TAFA4: variants seen among roughly 807,000 people sequenced by gnomAD.
TAFA4 encodes chemokine-like protein TAFA-4.
TAFA4 carries 20 observed loss-of-function variants against 21.1 expected under a neutral mutation model. The observed-to-expected ratio is 0.95, with a 90% CI of 0.67 to 1.38. The LOEUF is 1.38. Among genes scored for constraint, TAFA4 ranks in the 40% most tolerant of loss-of-function variants. The pLI is 0.00. For missense variants in TAFA4, 211 were observed against 180.9 expected (o/e 1.17, Z -0.95); for synonymous variants, 71 against 67.4 (o/e 1.05, Z -0.26).
In TAFA4 at chr3:68,750,730, T is replaced by G. The variant is rs576856291; in HGVS notation, c.286+2133A>C. On this transcript the variant is annotated intron_variant, in intron 4 of 5. Coordinates refer to ENST00000295569, the MANE Select transcript of TAFA4 (RefSeq NM_182522.5). ...AGTACTTTTTAGGTACCAATAAAAG[T>G]GCTTTGAATATTGTACAACATTATT... Among the ~76,000 whole-genome samples the G allele has an allele frequency of 7.6e-4, 116 of 152,330 alleles. 3 individuals are homozygous for G. In the South Asian group the frequency reaches 0.023, roughly 30 times the overall value.
intron 3 of TAFA4, among the ~76,000 whole-genome samples, chr3:68,753,439 G>A (rs1342261856): frequency 2.0e-5 from 3 of 148,408 alleles, no homozygotes; most frequent in Admixed American, 6.8e-5. Flanking sequence ...GGATTCAAGC[G>A]ATTTTCCTGC....
intron 3 of TAFA4, among the ~76,000 whole-genome samples, chr3:68,857,283 A>G (rs1470974731): frequency 6.6e-6 from 1 of 152,156 alleles, no homozygotes; most frequent in Non-Finnish European, 1.5e-5. Flanking sequence ...TGTCTAAAGG[A>G]CAATAGTTCC....
chr3:68,772,853 AATCC>A (rs923138200), intron 3 of TAFA4, among the ~76,000 whole-genome samples: 4 of 152,140 alleles, frequency 2.6e-5, no homozygotes, highest in Non-Finnish European at 5.9e-5. Context: ...TCCATCCGTC[AATCC>A]ATCCATCCAT....
In TAFA4 at chr3:68,783,745, G is replaced by GAAAGAAAGAAAGAAAGAAAGAAAA. The variant is rs1355228496; in HGVS notation, c.131-30728_131-30727insTTTTCTTTCTTTCTTTCTTTCTTT. ...AGAAAGAAAGAAAGAAAGAAAGAAA[G>GAAAGAAAGAAAGAAAGAAAGAAAA]TAAGAAAGAAAGAAACAAAAACAAA... On this transcript the variant is annotated intron_variant, in intron 3 of 5. Transcript: ENST00000295569. Among the ~76,000 whole-genome samples the GAAAGAAAGAAAGAAAGAAAGAAAA allele has an allele frequency of 4.8e-3, 460 of 95,856 alleles. 10 individuals are homozygous for GAAAGAAAGAAAGAAAGAAAGAAAA. Among genetic ancestry groups the GAAAGAAAGAAAGAAAGAAAGAAAA allele is most frequent in the African/African-American group, 0.014 (438 of 31,820 alleles). 62.9% of individuals were successfully genotyped at this position (95,856 alleles called of 152,430 possible).
intron 1 of TAFA4, among the ~76,000 whole-genome samples, chr3:68,893,589 G>T (rs1559555808): frequency 6.6e-6 from 1 of 152,172 alleles, no homozygotes; most frequent in African/African-American, 2.4e-5. Context: ...CCTTCCAGCT[G>T]TAACAATAAC....
rs538907000 is a variant in TAFA4, at chr3:68,734,334, G to A, written c.412-1181C>T. 3.3e-5 allele frequency among the ~76,000 whole-genome samples: 5 copies of A among 152,234 alleles called. No individual in the cohort carries two copies. The South Asian group carries it at 1.0e-3, about 32-fold the overall frequency. On this transcript the variant is annotated intron_variant, in intron 5 of 5. Coordinates refer to ENST00000295569, the MANE Select transcript of TAFA4 (RefSeq NM_182522.5). ...CAGTTTGCTGATCCCTATTCCAGAG[G>A]AAGAGGTTGGATAAACAGGTAAAAT... is the stretch of plus-strand genomic sequence containing the variant.
chr3:68,888,665 G>T (rs978402029), intron 1 of TAFA4, among the ~76,000 whole-genome samples: 5 of 151,992 alleles, frequency 3.3e-5, no homozygotes, highest in Non-Finnish European at 7.4e-5. Flanking sequence ...CTAATATCAA[G>T]GTGCCAGCAT....
intron 1 of TAFA4, among the ~76,000 whole-genome samples, chr3:68,917,472 C>T (rs1435130033): frequency 2.6e-5 from 4 of 151,936 alleles, no homozygotes; most frequent in Non-Finnish European, 5.9e-5. Context: ...TTCCCAGGAA[C>T]GACCGGGCAT....
intron 3 of TAFA4, among the ~76,000 whole-genome samples, chr3:68,841,337 T>G (rs71302158): frequency 1.4e-5 from 2 of 138,676 alleles, no homozygotes; most frequent in South Asian, 2.3e-4. Context: ...AAAAAAAAAA[T>G]AAAAAAAAAT....
At chr3:68,792,794 A>G (rs1025846028) in intron 3 of TAFA4, among the ~76,000 whole-genome samples, 1 of 152,218 alleles carries the variant, frequency 6.6e-6, no homozygotes, top group Non-Finnish European at 1.5e-5. Context: ...CCACTTATGA[A>G]CAAAATACAT....
intron 1 of TAFA4, among the ~76,000 whole-genome samples, chr3:68,899,320 T>C (rs2089822408): frequency 6.6e-6 from 1 of 152,110 alleles, no homozygotes; most frequent in Admixed American, 6.6e-5. Context: ...AAATAAAATA[T>C]AATATGAAAA....
intron 3 of TAFA4, among the ~76,000 whole-genome samples, chr3:68,754,122 C>T (rs1014791172): frequency 9.2e-5 from 14 of 152,174 alleles, no homozygotes; most frequent in African/African-American, 1.2e-4. Flanking sequence ...CATGATGCCC[C>T]TTTACCCCTA....
chr3:68,866,291 C>A (rs2089417177), intron 3 of TAFA4, among the ~76,000 whole-genome samples: 1 of 151,976 alleles, frequency 6.6e-6, no homozygotes, highest in Non-Finnish European at 1.5e-5. Context: ...CATTGGGACC[C>A]ACACTCCCAT....
intron 3 of TAFA4, among the ~76,000 whole-genome samples, chr3:68,827,921 A>G (rs1241095265): frequency 6.6e-6 from 1 of 152,092 alleles, no homozygotes; most frequent in Admixed American, 6.6e-5. Context: ...TTTTGTTGCC[A>G]TTGCTTTTGG....
intron 3 of TAFA4, among the ~76,000 whole-genome samples, chr3:68,777,628 A>G (rs1703072817): frequency 6.6e-6 from 1 of 152,172 alleles, no homozygotes; most frequent in Non-Finnish European, 1.5e-5. Flanking sequence ...ATAGAATCAT[A>G]AAAACTACTC....
chr3:68,805,281 G>A (rs375042071), intron 3 of TAFA4, among the ~76,000 whole-genome samples: 41 of 152,168 alleles, frequency 2.7e-4, no homozygotes, highest in Middle Eastern at 3.4e-3. Context: ...TTAGAATGGC[G>A]ATCATTAAAA....
intron 3 of TAFA4, among the ~76,000 whole-genome samples, chr3:68,879,646 C>A: frequency 6.6e-6 from 1 of 152,144 alleles, no homozygotes; most frequent in East Asian, 1.9e-4. Context: ...TTATTTTTCT[C>A]ATCTTCTTGG....
intron 1 of TAFA4, among the ~76,000 whole-genome samples, chr3:68,889,678 A>T (rs1038730541): frequency 6.6e-6 from 1 of 152,146 alleles, no homozygotes; most frequent in Non-Finnish European, 1.5e-5. Context: ...CTGACCTTAA[A>T]CCTGGATCTA....
At chr3:68,855,550 A>T (rs1001202834) in intron 3 of TAFA4, among the ~76,000 whole-genome samples, 6 of 152,124 alleles carry the variant, frequency 3.9e-5, no homozygotes, top group African/African-American at 1.4e-4. Flanking sequence ...AAAAGAATGA[A>T]ACTGATAAAC....
Sources: gnomAD v4.1 joint callset for allele counts (sites outside exome capture counted in the v4.1 genomes callset) on GRCh38, gnomAD v4.1.1 for gene constraint, MANE v1.5 for transcripts, NCBI Gene and HGNC (gene_info 2026-07-23, HGNC 2026-07-21) for gene names.